CPED1: variants seen among roughly 807,000 people sequenced by gnomAD.
CPED1 encodes the protein cadherin-like and PC-esterase domain-containing protein 1.
Under a neutral mutation model 128.2 loss-of-function variants are expected in CPED1, and 114 were observed. The ratio of observed to expected loss-of-function variants is 0.89; its 90% CI spans 0.76 to 1.04. CPED1 has a LOEUF of 1.04. CPED1 is among the 50% of genes least tolerant of loss of function. CPED1 has a pLI of 0.00. For missense variants in CPED1, 1,211 were observed against 1,207.1 expected, an observed-to-expected ratio of 1.00 and a Z score of -0.05; for synonymous variants, 462 against 426.7, an observed-to-expected ratio of 1.08 and a Z score of -1.02.
chr7:121,225,902 C>T (rs1378991753), intron 16 of CPED1, among the ~76,000 whole-genome samples: 1 of 152,056 alleles, frequency 6.6e-6, no homozygotes, highest in Admixed American at 6.6e-5. Flanking sequence ...AGGTTTTTAG[C>T]TTCCTTGTGA....
At chr7:121,154,415 T>C (rs576912806) in intron 16 of CPED1, among the ~76,000 whole-genome samples, 6 of 152,310 alleles carry the variant, frequency 3.9e-5, no homozygotes, top group Admixed American at 1.3e-4. Flanking sequence ...TTCAGTACAA[T>C]GTTAGCTGTG....
chr7:121,093,865 A>C (rs765772723), intron 5 of CPED1, among the ~76,000 whole-genome samples: 1 of 152,072 alleles, frequency 6.6e-6, no homozygotes, highest in Non-Finnish European at 1.5e-5. Context: ...TTCCTGAACT[A>C]TACCCATGTG....
chr7:121,101,982 G>A (rs1281916838), intron 7 of CPED1, among the ~76,000 whole-genome samples: 3 of 151,980 alleles, frequency 2.0e-5, no homozygotes, highest in Admixed American at 1.3e-4. Flanking sequence ...TCCTTCTTAC[G>A]CTATAGCTTT....
chr7:121,284,930 G>A (rs967239042), intron 22 of CPED1, among the ~76,000 whole-genome samples: 11 of 152,198 alleles, frequency 7.2e-5, no homozygotes, highest in Non-Finnish European at 1.5e-4. Flanking sequence ...TGCCCCAGTG[G>A]GGTCACTGTG....
intron 14 of CPED1, among the ~76,000 whole-genome samples, chr7:121,136,448 G>T (rs989370108): frequency 6.6e-6 from 1 of 152,014 alleles, no homozygotes; most frequent in Non-Finnish European, 1.5e-5. Flanking sequence ...TCACCAGATT[G>T]TTGCTGTAAT....
chr7:121,173,756 T>C (rs1796710203), intron 16 of CPED1, among the ~76,000 whole-genome samples: 1 of 152,006 alleles, frequency 6.6e-6, no homozygotes, highest in Admixed American at 6.6e-5. Flanking sequence ...CCAAAAATGA[T>C]ATTGCTGGGT....
chr7:121,245,198 G>T (rs551169238), intron 18 of CPED1, among the ~76,000 whole-genome samples: 3 of 152,128 alleles, frequency 2.0e-5, no homozygotes, highest in African/African-American at 7.2e-5. Context: ...AGTTAAAGAA[G>T]AATAACAGGA....
At chr7:121,165,958 T>A (rs1796512788) in intron 16 of CPED1, among the ~76,000 whole-genome samples, 1 of 152,182 alleles carries the variant, frequency 6.6e-6, no homozygotes, top group African/African-American at 2.4e-5. Context: ...CTATTGAGGG[T>A]CATCCAAGTT....
At chr7:121,026,821 T>C (rs970966084) in intron 3 of CPED1, among the ~76,000 whole-genome samples, 2 of 138,318 alleles carry the variant, frequency 1.4e-5, no homozygotes, top group Non-Finnish European at 3.1e-5. Flanking sequence ...CTCCCTCCTG[T>C]CAGTTCTTTT....
intron 18 of CPED1, among the ~76,000 whole-genome samples, chr7:121,252,161 A>T (rs943243927): frequency 2.0e-5 from 3 of 151,296 alleles, no homozygotes; most frequent in East Asian, 1.9e-4. Flanking sequence ...ATAACGCCGC[A>T]TATCTACAAC....
At position 121,125,842 on chromosome 7, in the gene CPED1, C is replaced by A. The variant is rs774961976; in HGVS notation, c.1084C>A (p.Leu362Ile). ...FHRCRFCFQL[L>I]TFDIGYGSFM... ...TAGATGCAGATTCTGCTTTCAACTTCTAACTTTTGATATTGGTTATGGCAG... is the reference window on the plus strand; with the variant it reads ...TAGATGCAGATTCTGCTTTCAACTTATAACTTTTGATATTGGTTATGGCAG... The change falls in exon 9 of 23, where the codon CTA becomes ATA. Residue 362 changes from leucine to isoleucine, a missense_variant. Coordinates refer to ENST00000310396, the MANE Select transcript of CPED1 (RefSeq NM_024913.5). 6.2e-7 allele frequency: 1 copy of A among 1,613,502 alleles called. No homozygotes were observed. The highest frequency in any genetic ancestry group is 8.5e-7 in the Non-Finnish European group (1 of 1,179,626).
At chr7:120,989,924 T>C (rs1796283423) in intron 2 of CPED1, 54 bp downstream of exon 2, 3 of 1,597,808 alleles carry the variant, frequency 1.9e-6, no homozygotes, top group Non-Finnish European at 2.6e-6. Context: ...AGCAATCTGC[T>C]TCTCTGTCCT....
intron 17 of CPED1, among the ~76,000 whole-genome samples, chr7:121,242,605 T>C (rs886234378): frequency 6.6e-6 from 1 of 152,170 alleles, no homozygotes; most frequent in Admixed American, 6.5e-5. Flanking sequence ...AAGTATTTAG[T>C]AGATAGACAT....
At chr7:121,251,934 G>A (rs943386924) in intron 18 of CPED1, among the ~76,000 whole-genome samples, 2 of 151,792 alleles carry the variant, frequency 1.3e-5, no homozygotes, top group Non-Finnish European at 2.9e-5. Flanking sequence ...AGCTACCAAT[G>A]ACTTTCTTCA....
chr7:121,115,534 A>G (rs1584521870), intron 7 of CPED1, among the ~76,000 whole-genome samples: 1 of 152,204 alleles, frequency 6.6e-6, no homozygotes, highest in East Asian at 1.9e-4. Context: ...TGCATAAAAT[A>G]TCCAGAATAT....
At chr7:121,283,481 A>T (rs180724485) in intron 22 of CPED1, among the ~76,000 whole-genome samples, 143 of 152,362 alleles carry the variant, frequency 9.4e-4, no homozygotes, top group Non-Finnish European at 1.7e-3. Flanking sequence ...CATGCAATGC[A>T]TTCCAGCTCC....
intron 16 of CPED1, among the ~76,000 whole-genome samples, chr7:121,199,751 A>G (rs1261233093): frequency 3.3e-5 from 5 of 151,754 alleles, no homozygotes; most frequent in Non-Finnish European, 7.4e-5. Context: ...AAAAGTTTCT[A>G]TTTTCTAAGG....
chr7:121,140,017 T>C lies in CPED1; in HGVS notation c.1700-810T>C, dbSNP rs921042115. Among the ~76,000 whole-genome samples the C allele has an allele frequency of 3.9e-5, 6 of 152,206 alleles. 1 individual carries two copies. In the East Asian group the frequency reaches 9.7e-4, roughly 25 times the overall value. ...TTCTTTGAAAAACACTTTGTTAAGCTTTTGGGTAATTTGTTTATTCTAAAC... is the reference window on the plus strand; with the variant it reads ...TTCTTTGAAAAACACTTTGTTAAGCCTTTGGGTAATTTGTTTATTCTAAAC... On this transcript the variant is annotated intron_variant, in intron 14 of 22. Coordinates refer to ENST00000310396, the MANE Select transcript of CPED1 (RefSeq NM_024913.5).
At chr7:121,034,248 T>TC (rs1491242068) in intron 3 of CPED1, among the ~76,000 whole-genome samples, 6 of 7,002 alleles carry the variant, frequency 8.6e-4, no homozygotes, top group Non-Finnish European at 1.9e-3. Context: ...TTTTTTTTTC[T>TC]TTTTTTTTTT....
Sources: allele counts gnomAD v4.1 joint callset (sites outside exome capture counted in the v4.1 genomes callset), GRCh38; gene constraint gnomAD v4.1.1; transcripts MANE v1.5; gene names NCBI Gene and HGNC (gene_info 2026-07-23, HGNC 2026-07-21).